ZNF217: variants seen among roughly 807,000 people sequenced by gnomAD.
ZNF217 encodes the protein zinc finger protein 217.
Under a neutral mutation model 73.3 loss-of-function variants are expected in ZNF217, and 12 were observed. The observed-to-expected ratio is 0.16, with a 90% CI of 0.10 to 0.27. The LOEUF is 0.27. Among genes scored for constraint, ZNF217 ranks in the 10% least tolerant of loss-of-function variants. The probability of loss-of-function intolerance (pLI) is 1.00; values close to 1 mark genes in which losing one functional copy is unlikely to be tolerated. For synonymous variants in ZNF217, 588 were observed against 516.4 expected, an observed-to-expected ratio of 1.14 and a Z score of -1.88; for missense variants, 1,195 against 1,327.8, an observed-to-expected ratio of 0.90 and a Z score of 1.55.
rs537027390 is a variant in ZNF217, at chr20:53,583,982, A to G, written c.-342-814T>C. On this transcript the variant is annotated intron_variant, in intron 1 of 5. Transcript: ENST00000371471. ...GTATAGATTTAAAATAAAATCCTCA[A>G]CAGGGCTGTTTCAACATGGCTTAGT... Among the ~76,000 whole-genome samples, 87 of 152,360 alleles carry G rather than the reference A, an allele frequency of 5.7e-4. 1 individual carries two copies. The highest frequency in any genetic ancestry group is 2.0e-3 in the African/African-American group (85 of 41,588).
At chr20:53,569,609 C>A (rs1987906695) in intron 5 of ZNF217, among the ~76,000 whole-genome samples, 1 of 152,148 alleles carries the variant, frequency 6.6e-6, no homozygotes, top group Admixed American at 6.5e-5. Context: ...GTCTTGAACT[C>A]CTGACTTCAA....
rs768555897 is a variant in ZNF217, at chr20:53,576,778, G to T, written c.1986C>A (p.Ser662Arg). The T allele has an allele frequency of 1.5e-5, 25 of 1,614,084 alleles. No homozygotes were observed. The highest frequency in any genetic ancestry group is 1.9e-5 in the Non-Finnish European group (22 of 1,180,046). The change falls in exon 4 of 6, where the codon AGC (serine) becomes AGA (arginine). Residue 662 changes from serine to arginine, a missense_variant. Physicochemically the swap from Ser to Arg is moderately radical, Grantham distance 110. Coordinates refer to ENST00000371471, the MANE Select transcript of ZNF217 (RefSeq NM_006526.3). ...CGGTCTCCGTTTGCTTCTCTTTGGG[G>T]CTAACTTCAAGGTTATGGGTGGTAC... ...DGSTTHNLEV[S>R]PKEKQTETAA...
intron 4 of ZNF217, chr20:53,574,877 A>C (rs1988184814): frequency 6.6e-6 from 1 of 152,004 alleles, no homozygotes; most frequent in African/African-American, 2.4e-5. Context: ...AGCACACCAT[A>C]CATGTGCAAA....
chr20:53,571,483 C>T lies in ZNF217; in HGVS notation c.*23+238G>A, dbSNP rs528944221. Among the ~76,000 whole-genome samples the T allele has an allele frequency of 3.4e-5, 5 of 145,358 alleles. No homozygotes were observed. In the East Asian group the frequency reaches 6.3e-4, roughly 18 times the overall value. On this transcript the variant is annotated intron_variant, in intron 5 of 5. Coordinates refer to ENST00000371471, the MANE Select transcript of ZNF217 (RefSeq NM_006526.3). Reference sequence around the variant, plus strand: ...CAGTGGCACAATCTGCTCACTGCAACCTCCGCCTCCTGGGTTGTTCAAGTG... The same window carrying T: ...CAGTGGCACAATCTGCTCACTGCAATCTCCGCCTCCTGGGTTGTTCAAGTG...
rs1167709153 is a variant in ZNF217 at position 53,576,262 on chromosome 20, G to A, written c.2502C>T (p.Thr834=). ...QQNVGVQGAA[T]RQQQSEMFPK... Reference sequence around the variant, plus strand: ...GAAACATCTCAGATTGCTGTTGCCTGGTGGCGGCCCCTTGGACCCCCACAT... The same window carrying A: ...GAAACATCTCAGATTGCTGTTGCCTAGTGGCGGCCCCTTGGACCCCCACAT... Residue 834 remains threonine (T), a synonymous_variant, in exon 4 of 6, where the codon ACC becomes ACT. Transcript: ENST00000371471. 4.3e-6 allele frequency: 7 copies of A among 1,614,096 alleles called. No homozygotes were observed. Among genetic ancestry groups the A allele is most frequent in the Non-Finnish European group, 5.9e-6 (7 of 1,180,058 alleles).
chr20:53,586,615 C>CT (rs2145970979), intron 1 of ZNF217, among the ~76,000 whole-genome samples: 1 of 152,322 alleles, frequency 6.6e-6, no homozygotes, highest in East Asian at 1.9e-4. Flanking sequence ...TCCTTAAACT[C>CT]TAAGACAATG....
Position 53,581,396 on chromosome 20 carries a change from A to AG in ZNF217, c.1366+64dup. The AG allele has an allele frequency of 6.6e-7, 1 of 1,525,176 alleles. No homozygotes were observed. Among genetic ancestry groups the AG allele is most frequent in the Non-Finnish European group, 8.8e-7 (1 of 1,139,910 alleles). 94.5% of individuals were successfully genotyped at this position (1,525,176 alleles called of 1,614,324 possible). On this transcript the variant is annotated intron_variant, in intron 2 of 5. Coordinates refer to ENST00000371471, the MANE Select transcript of ZNF217 (RefSeq NM_006526.3). This position sits in a 1 kb window ranked among gnomAD's most constrained non-coding sequence, Gnocchi z 4.9. ...GCGTTGTCTGGAGATGGGAATAGAG[A>AG]GGGGGAGACGGGGAGACAGACAGAC... is the stretch of plus-strand genomic sequence containing the variant.
upstream of ZNF217, among the ~76,000 whole-genome samples, chr20:53,594,422 A>G (rs374788122): frequency 3.0e-4 from 44 of 148,922 alleles, no homozygotes; most frequent in East Asian, 8.0e-3. Context: ...TGACTAGCAT[A>G]GGCGCGCCCC....
intron 1 of ZNF217, among the ~76,000 whole-genome samples, chr20:53,584,925 T>C (rs1988636658): frequency 6.6e-6 from 1 of 152,094 alleles, no homozygotes; most frequent in African/African-American, 2.4e-5. Context: ...GACAACGCTG[T>C]TTTCCCTGGC....
intron 1 of ZNF217, among the ~76,000 whole-genome samples, chr20:53,590,825 A>T (rs1223362635): frequency 6.6e-6 from 1 of 152,250 alleles, no homozygotes; most frequent in East Asian, 1.9e-4. Context: ...AGGCCATTAT[A>T]TTCCTTAATT....
At chr20:53,574,389 G>GC (rs1988150953) in intron 4 of ZNF217, 1 of 152,180 alleles carries the variant, frequency 6.6e-6, no homozygotes, top group Non-Finnish European at 1.5e-5. Context: ...CTTACTGGGC[G>GC]CCCCCTATTC....
chr20:53,589,251 A>G (rs894079387), intron 1 of ZNF217, among the ~76,000 whole-genome samples: 3 of 152,254 alleles, frequency 2.0e-5, no homozygotes, highest in African/African-American at 7.2e-5. Context: ...GTAAAGCTTA[A>G]TAAGAACAAA....
rs1988974624 is a variant in ZNF217 at position 53,593,808 on chromosome 20, G to GA, written c.-396_-395insT. The GA allele has an allele frequency of 6.7e-6, 1 of 148,760 alleles. No individual in the cohort carries two copies. The highest frequency in any genetic ancestry group is 6.6e-5 in the Admixed American group (1 of 15,092). 9.2% of individuals were successfully genotyped at this position (148,760 alleles called of 1,614,324 possible). On this transcript the variant is annotated 5_prime_UTR_variant, in exon 1 of 6. Coordinates refer to ENST00000371471, the MANE Select transcript of ZNF217 (RefSeq NM_006526.3). ...CTCGCGCGGCGGCGGCCGGGACTGA[G>GA]CTGACACCACTCGGGCCGGCCGGGT... is the stretch of plus-strand genomic sequence containing the variant.
In ZNF217 at chr20:53,576,286, A is replaced by G. The variant is rs754727596; in HGVS notation, c.2478T>C (p.Asn826=). The stretch of plus-strand genomic sequence containing the variant: ...TGGTGGCGGCCCCTTGGACCCCCAC[A>G]TTCTGCTGTGGTCTGTGGGACTTCA... ...SNLKSHRPQQ[N]VGVQGAATRQ... Residue 826 remains asparagine (N), a synonymous_variant, in exon 4 of 6, where the codon AAT becomes AAC. Coordinates refer to ENST00000371471, the MANE Select transcript of ZNF217 (RefSeq NM_006526.3). 4 of 1,614,220 alleles carry G rather than the reference A, an allele frequency of 2.5e-6. No homozygotes were observed. The highest frequency in any genetic ancestry group is 3.4e-6 in the Non-Finnish European group (4 of 1,180,036).
At position 53,567,189 on chromosome 20, in the gene ZNF217, A is replaced by G. The variant is rs1886610419; in HGVS notation, c.*2099T>C. The G allele has an allele frequency of 6.6e-6, 1 of 152,478 alleles. No individual in the cohort carries two copies. Among genetic ancestry groups the G allele is most frequent in the Non-Finnish European group, 1.5e-5 (1 of 68,036 alleles). The allele number at this position is 152,478 out of a possible 1,614,324, so 9.4% of individuals were successfully genotyped here. A position where few individuals can be genotyped will look rare whatever the true frequency, so the allele number is the denominator to read the frequency against. ...TTCGACAACTTAAGTATCAACAATT[A>G]AAATAAATCAAACTGGAATGAAATA... On this transcript the variant is annotated 3_prime_UTR_variant, in exon 6 of 6. Transcript: ENST00000371471.
intron 2 of ZNF217, among the ~76,000 whole-genome samples, chr20:53,579,389 T>C (rs948268404): frequency 1.3e-5 from 2 of 152,018 alleles, no homozygotes; most frequent in Admixed American, 6.6e-5. Flanking sequence ...GAAAAAAAAA[T>C]TTACTTGATC....
chr20:53,574,607 C>G (rs990060373), intron 4 of ZNF217: 4 of 152,114 alleles, frequency 2.6e-5, no homozygotes, highest in Non-Finnish European at 5.9e-5. Context: ...CCAGCCTGGC[C>G]AACATGCTGA....
rs1466819262 is a variant in ZNF217, at chr20:53,568,212, CCA to C, written c.*1074_*1075del. The C allele has an allele frequency of 2.0e-5, 3 of 152,130 alleles. No homozygotes were observed. The highest frequency in any genetic ancestry group is 4.4e-5 in the Non-Finnish European group (3 of 68,034). 9.4% of individuals were successfully genotyped at this position (152,130 alleles called of 1,614,324 possible). A position where few individuals can be genotyped will look rare whatever the true frequency, so the allele number is the denominator to read the frequency against. ...GTGTCTATAATCAACTCTAGTATGT[CCA>C]CAGTTCACCCAAATGCCAGATACAT... On this transcript the variant is annotated 3_prime_UTR_variant, in exon 6 of 6. Coordinates refer to ENST00000371471, the MANE Select transcript of ZNF217 (RefSeq NM_006526.3).
At chr20:53,580,510 A>C (rs1168229211) in intron 2 of ZNF217, among the ~76,000 whole-genome samples, 1 of 152,192 alleles carries the variant, frequency 6.6e-6, no homozygotes, top group African/African-American at 2.4e-5. Flanking sequence ...CTGATAGGAG[A>C]AGCTCTGGCT....
Sources: allele counts gnomAD v4.1 joint callset (sites outside exome capture counted in the v4.1 genomes callset), GRCh38; gene constraint gnomAD v4.1.1; non-coding constraint Gnocchi (gnomAD v3.1); transcripts MANE v1.5; gene names NCBI Gene and HGNC (gene_info 2026-07-23, HGNC 2026-07-21).